RFX3: variants seen among roughly 807,000 people sequenced by gnomAD.
RFX3 encodes the protein regulatory factor X3.
Under a neutral mutation model 98.6 loss-of-function variants are expected in RFX3, and 14 were observed. That is an observed-to-expected ratio of 0.14 (90% CI 0.09 to 0.22). RFX3 has a LOEUF of 0.22. Among genes scored for constraint, RFX3 ranks in the 10% least tolerant of loss-of-function variants. RFX3 has a pLI of 1.00. For missense variants in RFX3, 639 were observed against 926.9 expected (o/e 0.69, Z 4.03); for synonymous variants, 383 against 328.4 (o/e 1.17, Z -1.80).
At chr9:3,257,259 C>T (rs564123544) in intron 13 of RFX3, 60 bp from the exon 14 acceptor site, 2 of 1,353,908 alleles carry the variant, frequency 1.5e-6, no homozygotes, top group South Asian at 2.4e-5. Context: ...TCATTGAATG[C>T]CAGCACACAC....
chr9:3,369,151 T>C (rs1384085442), intron 2 of RFX3, among the ~76,000 whole-genome samples: 2 of 152,204 alleles, frequency 1.3e-5, no homozygotes, highest in Admixed American at 1.3e-4. Context: ...TTCGTTTTAG[T>C]CCGTTCAGTC....
chr9:3,330,096 C>T (rs553010664), intron 4 of RFX3, among the ~76,000 whole-genome samples, 163 bp downstream of exon 4: 1 of 152,260 alleles, frequency 6.6e-6, no homozygotes, highest in East Asian at 1.9e-4. Context: ...TAACATTCTG[C>T]ATAATACTAC....
intron 1 of RFX3, among the ~76,000 whole-genome samples, chr9:3,481,488 A>T (rs7027859): frequency 0.03 from 4,537 of 150,982 alleles, 184 homozygotes; most frequent in African/African-American, 0.086. Flanking sequence ...ACATTTTTTA[A>T]AAAAAAAAAT....
intron 1 of RFX3, among the ~76,000 whole-genome samples, chr9:3,520,455 A>C (rs556134770): frequency 6.6e-6 from 1 of 152,314 alleles, no homozygotes; most frequent in South Asian, 2.1e-4. Flanking sequence ...ATTGCTGTGA[A>C]AAGAGTCGAT....
chr9:3,323,674 G>A (rs1831561646), intron 4 of RFX3, among the ~76,000 whole-genome samples: 1 of 152,144 alleles, frequency 6.6e-6, no homozygotes, highest in South Asian at 2.1e-4. Flanking sequence ...CCATACACCT[G>A]TGTTCTGAAA....
intron 2 of RFX3, among the ~76,000 whole-genome samples, chr9:3,350,016 T>G (rs780015173): frequency 3.3e-5 from 5 of 152,018 alleles, no homozygotes; most frequent in Non-Finnish European, 7.4e-5. Context: ...AGATTGATAA[T>G]CCTATTAAAA....
At chr9:3,319,404 A>G (rs74928121) in intron 4 of RFX3, among the ~76,000 whole-genome samples, 3,220 of 152,188 alleles carry the variant, frequency 0.021, 122 homozygotes, top group African/African-American at 0.073. Context: ...ACTTAAGGGA[A>G]TATAAATAGG....
At chr9:3,391,514 C>T (rs1406466890) in intron 2 of RFX3, among the ~76,000 whole-genome samples, 2 of 152,122 alleles carry the variant, frequency 1.3e-5, no homozygotes, top group South Asian at 2.1e-4. Flanking sequence ...TAAGGTATCA[C>T]CTGCCTTGAA....
chr9:3,283,018 T>C (rs150322403), intron 7 of RFX3, among the ~76,000 whole-genome samples: 123 of 151,950 alleles, frequency 8.1e-4, no homozygotes, highest in Non-Finnish European at 1.3e-3. Context: ...ACAAACTACA[T>C]AAATTACTAT....
rs1304564216 is a variant in RFX3 at position 3,427,310 on chromosome 9, ACAT to A, written c.-8-31717_-8-31715del. Among the ~76,000 whole-genome samples the A allele has an allele frequency of 2.1e-5, 3 of 142,866 alleles. No individual in the cohort carries two copies. In the Admixed American group the frequency reaches 2.1e-4, roughly 10 times the overall value. The allele number at this position is 142,866 out of a possible 152,430, so 93.7% of individuals were successfully genotyped here. On this transcript the variant is annotated intron_variant, in intron 1 of 16. Coordinates refer to ENST00000617270, the MANE Select transcript of RFX3 (RefSeq NM_001282116.2). The stretch of plus-strand genomic sequence containing the variant: ...ACTATATATAAATATATATTGTATT[ACAT>A]AATAATACAATATATAAATATATAT...
At position 3,398,331 on chromosome 9, in the gene RFX3, A is replaced by G. The variant is rs191897266; in HGVS notation, c.-8-2735T>C. Among the ~76,000 whole-genome samples, 639 of 143,164 alleles carry G rather than the reference A, an allele frequency of 4.5e-3. 8 individuals are homozygous for G. The highest frequency in any genetic ancestry group is 0.018 in the African/African-American group (606 of 34,096). 93.9% of individuals were successfully genotyped at this position (143,164 alleles called of 152,430 possible). On this transcript the variant is annotated intron_variant, in intron 1 of 16. Transcript: ENST00000617270. ...CCTCTTCCTCTTTCTTCTACCACAG[A>G]CAGGAAACAAAAAAAAAAAATCCCT... is the stretch of plus-strand genomic sequence containing the variant.
chr9:3,311,274 T>C (rs189678563), intron 4 of RFX3, among the ~76,000 whole-genome samples: 92 of 152,316 alleles, frequency 6.0e-4, no homozygotes, highest in African/African-American at 2.1e-3. Context: ...TGAAATCAGG[T>C]AAGACAAAAA....
At chr9:3,469,221 T>C (rs934074840) in intron 1 of RFX3, 9 of 455,154 alleles carry the variant, frequency 2.0e-5, no homozygotes, top group Middle Eastern at 3.3e-4. Flanking sequence ...AAATGCATAC[T>C]GAATTTGTGT....
chr9:3,259,066 A>T (rs1244397914), intron 13 of RFX3, among the ~76,000 whole-genome samples: 1 of 152,092 alleles, frequency 6.6e-6, no homozygotes, highest in South Asian at 2.1e-4. Flanking sequence ...TTATTGCATC[A>T]TATACTATTA....
chr9:3,495,442 T>C (rs140898377), intron 1 of RFX3, among the ~76,000 whole-genome samples: 33 of 152,206 alleles, frequency 2.2e-4, no homozygotes, highest in Non-Finnish European at 4.0e-4. Context: ...ATAGAATATA[T>C]TTTAACTCTG....
At chr9:3,236,669 C>A (rs530869653) in intron 15 of RFX3, among the ~76,000 whole-genome samples, 111 of 152,312 alleles carry the variant, frequency 7.3e-4, no homozygotes, top group African/African-American at 2.6e-3. Flanking sequence ...GCAGTGGACA[C>A]AGCAGGACAC....
chr9:3,241,195 A>G (rs1463170498), intron 15 of RFX3, among the ~76,000 whole-genome samples: 2 of 150,432 alleles, frequency 1.3e-5, no homozygotes, highest in Non-Finnish European at 2.9e-5. Flanking sequence ...TCTAAGGAGA[A>G]GGTACACTTT....
At chr9:3,513,280 T>C (rs1321523453) in intron 1 of RFX3, among the ~76,000 whole-genome samples, 1 of 152,172 alleles carries the variant, frequency 6.6e-6, no homozygotes, top group African/African-American at 2.4e-5. Context: ...GTGATATTAT[T>C]ACTAGATATG....
intron 1 of RFX3, among the ~76,000 whole-genome samples, chr9:3,397,523 G>A (rs751841635): frequency 1.3e-5 from 2 of 152,154 alleles, no homozygotes; most frequent in Middle Eastern, 3.4e-3. Context: ...TTTCAGAAAC[G>A]GACCTCTGAA....
Sources: gnomAD v4.1 joint callset for allele counts (sites outside exome capture counted in the v4.1 genomes callset) on GRCh38, gnomAD v4.1.1 for gene constraint, MANE v1.5 for transcripts, NCBI Gene and HGNC (gene_info 2026-07-23, HGNC 2026-07-21) for gene names.